The following ST6GAL1 variants were observed in gnomAD, a reference collection of about 807,000 sequenced individuals.
The protein encoded by ST6GAL1 is ST6 beta-galactoside alpha-2,6-sialyltransferase 1, also known as beta-galactoside alpha-2,6-sialyltransferase 1.
In ST6GAL1, 20 loss-of-function variants were observed where a neutral mutation model predicts 38.0. That is an observed-to-expected ratio of 0.53 (90% CI 0.37 to 0.77). ST6GAL1 has a LOEUF of 0.77. ST6GAL1 is among the 30% of genes least tolerant of loss of function. ST6GAL1 has a pLI of 0.00. For synonymous variants in ST6GAL1, 196 were observed against 188.2 expected, an observed-to-expected ratio of 1.04 and a Z score of -0.34; for missense variants, 432 against 496.4, an observed-to-expected ratio of 0.87 and a Z score of 1.23.
At chr3:186,984,740 T>TTCCTTCCC (rs1560150842) in intron 2 of ST6GAL1, among the ~76,000 whole-genome samples, 5 of 63,876 alleles carry the variant, frequency 7.8e-5, no homozygotes, top group South Asian at 9.5e-4. Flanking sequence ...CCTTCCTTCC[T>TTCCTTCCC]TCCCTCCCTC....
chr3:186,983,050 G>A (rs567907739), intron 2 of ST6GAL1, among the ~76,000 whole-genome samples: 1 of 152,156 alleles, frequency 6.6e-6, no homozygotes, highest in South Asian at 2.1e-4. Flanking sequence ...TCTCAGGTAC[G>A]CTAAGTTTGT....
intron 2 of ST6GAL1, among the ~76,000 whole-genome samples, chr3:187,023,622 A>G (rs1717407849): frequency 6.6e-6 from 1 of 152,218 alleles, no homozygotes; most frequent in South Asian, 2.1e-4. Flanking sequence ...ATTCTCAGCA[A>G]ACTATGGCAA....
intron 2 of ST6GAL1, among the ~76,000 whole-genome samples, chr3:186,968,243 A>G (rs886973610): frequency 6.6e-6 from 1 of 152,192 alleles, no homozygotes; most frequent in Non-Finnish European, 1.5e-5. Flanking sequence ...ATCATCTGTA[A>G]AATGGGCCGA....
chr3:187,013,019 A>G (rs1276042118), intron 2 of ST6GAL1, among the ~76,000 whole-genome samples: 1 of 152,224 alleles, frequency 6.6e-6, no homozygotes, highest in East Asian at 1.9e-4. Flanking sequence ...GGGCTCAGGG[A>G]GAATTTAACA....
At chr3:187,048,809 G>T (rs1480958576) in intron 4 of ST6GAL1, among the ~76,000 whole-genome samples, 1 of 151,260 alleles carries the variant, frequency 6.6e-6, no homozygotes, top group Non-Finnish European at 1.5e-5. Context: ...TTCTGTGCTG[G>T]ATGTTCTCCA....
Position 187,076,028 on chromosome 3 carries a change from G to A in ST6GAL1, c.*225G>A. 1.7e-6 allele frequency: 1 copy of A among 585,040 alleles called. No homozygotes were observed. 36.2% of individuals were successfully genotyped at this position (585,040 alleles called of 1,614,324 possible). A position where few individuals can be genotyped will look rare whatever the true frequency, so the allele number is the denominator to read the frequency against. ...GCCCAGAGCCTCCTGCCACACACAT[G>A]CACACATATCTAGCATTCTTTCCAG... On this transcript the variant is annotated 3_prime_UTR_variant, in exon 8 of 8. Coordinates refer to ENST00000169298, the MANE Select transcript of ST6GAL1 (RefSeq NM_173216.2).
At chr3:187,037,754 A>G (rs1474547011) in intron 2 of ST6GAL1, among the ~76,000 whole-genome samples, 1 of 152,060 alleles carries the variant, frequency 6.6e-6, no homozygotes, top group Non-Finnish European at 1.5e-5. Flanking sequence ...TAGCTTTTTA[A>G]AATTACATTT....
intron 4 of ST6GAL1, among the ~76,000 whole-genome samples, chr3:187,045,906 C>T (rs6780030): frequency 0.061 from 9,325 of 152,182 alleles, 305 homozygotes; most frequent in Middle Eastern, 0.12. Context: ...CCTGTTTGGA[C>T]GGCATGTGGG....
At position 187,043,234 on chromosome 3, in the gene ST6GAL1, G is replaced by A; in HGVS notation, c.531G>A (p.Lys177=). The part of the protein sequence containing the change: ...GYLPKESIRT[K]AGPWGRCAVV... ...TGCCCAAGGAGAGCATTAGGACCAA[G>A]GCTGGGCCTTGGGGCAGGTGTGCTG... Residue 177 remains lysine, a synonymous_variant, in exon 4 of 8, where the codon AAG becomes AAA. Coordinates refer to ENST00000169298, the MANE Select transcript of ST6GAL1 (RefSeq NM_173216.2). 1 of 1,614,246 alleles carries A rather than the reference G, an allele frequency of 6.2e-7. No homozygotes were observed. The highest frequency in any genetic ancestry group is 8.5e-7 in the Non-Finnish European group (1 of 1,180,032).
At chr3:187,009,866 G>A (rs539868161) in intron 2 of ST6GAL1, among the ~76,000 whole-genome samples, 19 of 151,992 alleles carry the variant, frequency 1.3e-4, no homozygotes, top group African/African-American at 4.1e-4. Flanking sequence ...TTAGCCAGGC[G>A]TGGTGGTGGG....
chr3:187,024,493 T>TATAGAG (rs1275438498), intron 2 of ST6GAL1, among the ~76,000 whole-genome samples: 8 of 85,800 alleles, frequency 9.3e-5, no homozygotes, highest in Admixed American at 2.3e-4. Context: ...TATATATATA[T>TATAGAG]AGAGAGAGAG....
At chr3:187,051,650 G>C (rs768246168) in intron 5 of ST6GAL1, 2 of 341,890 alleles carry the variant, frequency 5.8e-6, no homozygotes, top group Non-Finnish European at 1.1e-5. Flanking sequence ...AGGGACAGCA[G>C]AGCGCAGAAC....
At chr3:186,984,170 G>A (rs967898218) in intron 2 of ST6GAL1, among the ~76,000 whole-genome samples, 7 of 151,970 alleles carry the variant, frequency 4.6e-5, no homozygotes, top group East Asian at 1.9e-4. Flanking sequence ...CTAAAATATC[G>A]GGCATGATTT....
intron 2 of ST6GAL1, among the ~76,000 whole-genome samples, chr3:186,983,205 G>A (rs1424951571): frequency 6.6e-6 from 1 of 152,076 alleles, no homozygotes; most frequent in Non-Finnish European, 1.5e-5. Context: ...AGTTACCACG[G>A]TTTGGGCACT....
At chr3:187,022,476 T>C (rs1717360781) in intron 2 of ST6GAL1, among the ~76,000 whole-genome samples, 1 of 152,144 alleles carries the variant, frequency 6.6e-6, no homozygotes, top group Admixed American at 6.5e-5. Flanking sequence ...TTGAAGTCAG[T>C]AGGAAGGAAT....
chr3:187,074,314 C>T lies in ST6GAL1; in HGVS notation c.960C>T (p.Pro320=), dbSNP rs1439042162. ...CCCCAGAAGAGATTCAGCCAAACCC[C>T]CCATCCTCTGGGATGCTTGGTGAGT... ...EISPEEIQPN[P]PSSGMLGIII... The change falls in exon 7 of 8, where the codon CCC becomes CCT. Residue 320 remains proline (P), a synonymous_variant. Transcript: ENST00000169298. The T allele has an allele frequency of 1.3e-6, 2 of 1,593,986 alleles. No homozygotes were observed. The highest frequency in any genetic ancestry group is 8.5e-7 in the Non-Finnish European group (1 of 1,171,524).
intron 4 of ST6GAL1, among the ~76,000 whole-genome samples, chr3:187,050,884 T>G (rs1718491945): frequency 6.6e-6 from 1 of 152,216 alleles, no homozygotes; most frequent in Non-Finnish European, 1.5e-5. Context: ...AATCTACTGG[T>G]GATACCAAGA....
At chr3:187,063,182 G>A (rs918424310) in intron 5 of ST6GAL1, among the ~76,000 whole-genome samples, 3 of 152,192 alleles carry the variant, frequency 2.0e-5, no homozygotes, top group Non-Finnish European at 4.4e-5. Flanking sequence ...ATACTAAAAA[G>A]AGGAGAAAAT....
At chr3:187,058,091 C>A (rs1718778216) in intron 5 of ST6GAL1, among the ~76,000 whole-genome samples, 1 of 152,212 alleles carries the variant, frequency 6.6e-6, no homozygotes, top group African/African-American at 2.4e-5. Context: ...GGTCCTGGGA[C>A]CCGCTGAGCC....
Sources: allele counts gnomAD v4.1 joint callset (sites outside exome capture counted in the v4.1 genomes callset), GRCh38; gene constraint gnomAD v4.1.1; transcripts MANE v1.5; gene names NCBI Gene and HGNC (gene_info 2026-07-23, HGNC 2026-07-21).